Variants in HDAC9 observed in about 807,000 individuals in gnomAD.
HDAC9 encodes histone deacetylase 9.
HDAC9 carries 41 observed loss-of-function variants against 139.4 expected under a neutral mutation model. That is an observed-to-expected ratio of 0.29 (90% CI 0.23 to 0.38). HDAC9 has a LOEUF of 0.38. Among genes scored for constraint, HDAC9 ranks in the 10% least tolerant of loss-of-function variants. The probability of loss-of-function intolerance (pLI) is 1.00; values close to 1 mark genes in which losing one functional copy is unlikely to be tolerated. For missense variants in HDAC9, 1,147 were observed against 1,297.0 expected (o/e 0.88, Z 1.78); for synonymous variants, 517 against 476.2 (o/e 1.09, Z -1.12).
intron 2 of HDAC9, among the ~76,000 whole-genome samples, chr7:18,242,217 T>C (rs1562784875): frequency 6.6e-6 from 1 of 152,204 alleles, no homozygotes; most frequent in East Asian, 1.9e-4. Context: ...TCTGAACATA[T>C]AGCCCAACTC....
chr7:18,779,581 C>G (rs1434870488), intron 16 of HDAC9, among the ~76,000 whole-genome samples: 2 of 151,950 alleles, frequency 1.3e-5, no homozygotes, highest in Non-Finnish European at 2.9e-5. Flanking sequence ...GTCTGAGAAA[C>G]CAGCAATGCA....
At chr7:18,480,864 A>G (rs761457915) in intron 1 of HDAC9, among the ~76,000 whole-genome samples, 8 of 152,222 alleles carry the variant, frequency 5.3e-5, no homozygotes, top group Non-Finnish European at 1.0e-4. Context: ...GCCAACAGGA[A>G]TCATTTGGAG....
chr7:18,694,082 A>G (rs1782859946), intron 12 of HDAC9, among the ~76,000 whole-genome samples: 2 of 152,156 alleles, frequency 1.3e-5, no homozygotes, highest in African/African-American at 4.8e-5. Context: ...GCAAGTGAAA[A>G]CAGCACTAAG....
At chr7:18,132,477 C>T (rs1943404445) in intron 1 of HDAC9, among the ~76,000 whole-genome samples, 1 of 152,054 alleles carries the variant, frequency 6.6e-6, no homozygotes, top group Non-Finnish European at 1.5e-5. Flanking sequence ...CGGGTGATCA[C>T]AGCTTATTGC....
intron 2 of HDAC9, among the ~76,000 whole-genome samples, chr7:18,252,779 A>G (rs1346566743): frequency 3.3e-5 from 5 of 151,942 alleles, no homozygotes; most frequent in African/African-American, 1.2e-4. Context: ...TGTTTATATT[A>G]TGGTAGGTAA....
chr7:18,087,024 G>C (rs1781834723), exon 1 of HDAC9: 1 of 151,454 alleles, frequency 6.6e-6, no homozygotes, highest in South Asian at 2.1e-4. Flanking sequence ...TCTAGCGCCC[G>C]CCGCGGCCGG....
At chr7:18,210,964 C>T (rs993753720) in intron 2 of HDAC9, among the ~76,000 whole-genome samples, 1 of 152,092 alleles carries the variant, frequency 6.6e-6, no homozygotes, top group African/African-American at 2.4e-5. Flanking sequence ...TTGTACAGGA[C>T]GGCCTTTCCT....
At chr7:18,213,679 C>T (rs1792104599) in intron 2 of HDAC9, among the ~76,000 whole-genome samples, 1 of 152,102 alleles carries the variant, frequency 6.6e-6, no homozygotes, top group African/African-American at 2.4e-5. Context: ...CACTGTAAGA[C>T]CTAAACTCAG....
At chr7:18,092,344 C>T (rs1187082892) in intron 1 of HDAC9, among the ~76,000 whole-genome samples, 1 of 151,686 alleles carries the variant, frequency 6.6e-6, no homozygotes, top group Non-Finnish European at 1.5e-5. Flanking sequence ...AAGCCATGAT[C>T]GTGCCACCAT....
intron 1 of HDAC9, among the ~76,000 whole-genome samples, chr7:18,380,077 TTTAA>T (rs769819461): frequency 6.6e-6 from 1 of 152,202 alleles, no homozygotes; most frequent in Admixed American, 6.5e-5. Context: ...AAATGAGACA[TTTAA>T]TTATGCTAGT....
rs189660092 is a variant in HDAC9, at chr7:18,897,138, A to T, written c.2803+22542A>T. ...AATAAATTTTAAAAATAGAAAAAAAATTTAATTAAATTTGGGGAAAATAAT... is the reference window on the plus strand; with the variant it reads ...AATAAATTTTAAAAATAGAAAAAAATTTTAATTAAATTTGGGGAAAATAAT... On this transcript the variant is annotated intron_variant, in intron 22 of 25. Transcript: ENST00000686413. Among the ~76,000 whole-genome samples the T allele has an allele frequency of 6.3e-3, 955 of 150,840 alleles. 3 individuals are homozygous for T. The highest frequency in any genetic ancestry group is 9.3e-3 in the Non-Finnish European group (628 of 67,590).
chr7:18,159,143 A>G (rs1267701164), intron 1 of HDAC9, among the ~76,000 whole-genome samples: 4 of 152,192 alleles, frequency 2.6e-5, no homozygotes, highest in African/African-American at 9.6e-5. Flanking sequence ...GAATATGTAT[A>G]TGTTTTTTAC....
At chr7:18,434,139 A>C (rs1167193140) in intron 1 of HDAC9, among the ~76,000 whole-genome samples, 1 of 152,224 alleles carries the variant, frequency 6.6e-6, no homozygotes, top group African/African-American at 2.4e-5. Flanking sequence ...ATCTTTGGCA[A>C]AGTTGACAAA....
intron 17 of HDAC9, among the ~76,000 whole-genome samples, chr7:18,812,273 G>A (rs1398214292): frequency 6.6e-6 from 1 of 151,742 alleles, no homozygotes; most frequent in African/African-American, 2.4e-5. Context: ...CCTTTCTAGT[G>A]TTCTGTATTC....
chr7:18,207,397 C>A (rs1360069024), intron 2 of HDAC9, among the ~76,000 whole-genome samples: 2 of 151,858 alleles, frequency 1.3e-5, no homozygotes. Context: ...TGTTTTGATT[C>A]ATTATTTTTA....
intron 1 of HDAC9, among the ~76,000 whole-genome samples, chr7:18,311,321 A>G (rs1043733350): frequency 6.6e-6 from 1 of 152,242 alleles, no homozygotes; most frequent in African/African-American, 2.4e-5. Context: ...TCCTTTATGT[A>G]TATATTGTAT....
chr7:18,137,510 A>C (rs1451031162), intron 1 of HDAC9, among the ~76,000 whole-genome samples: 3 of 152,066 alleles, frequency 2.0e-5, no homozygotes, highest in Admixed American at 6.6e-5. Context: ...AGATTTTAGC[A>C]TGAAGGGTTG....
At chr7:18,315,677 A>G (rs1799590864) in intron 1 of HDAC9, among the ~76,000 whole-genome samples, 1 of 152,162 alleles carries the variant, frequency 6.6e-6, no homozygotes, top group Non-Finnish European at 1.5e-5. Flanking sequence ...CCCTTTGGTG[A>G]GGTTGGGGGG....
chr7:18,212,269 A>G (rs1791995215), intron 2 of HDAC9, among the ~76,000 whole-genome samples: 1 of 152,166 alleles, frequency 6.6e-6, no homozygotes, highest in Admixed American at 6.6e-5. Context: ...ATTGTTATTC[A>G]GTTCTAGAAT....
Sources: allele counts gnomAD v4.1 joint callset (sites outside exome capture counted in the v4.1 genomes callset), GRCh38; gene constraint gnomAD v4.1.1; transcripts MANE v1.5; gene names NCBI Gene and HGNC (gene_info 2026-07-23, HGNC 2026-07-21).